Variants in PHF24 observed in about 807,000 individuals in gnomAD.
The protein encoded by PHF24 is Galpha inhibitory interacting protein.
PHF24 carries 25 observed loss-of-function variants against 42.6 expected under a neutral mutation model. The ratio of observed to expected loss-of-function variants is 0.59; its 90% confidence interval spans 0.43 to 0.82. PHF24 has a LOEUF of 0.82. Among genes scored for constraint, PHF24 ranks in the 40% least tolerant of loss-of-function variants. The pLI is 0.00. For missense variants in PHF24, 470 were observed against 538.1 expected (o/e 0.87, Z 1.25); for synonymous variants, 185 against 204.8 (o/e 0.90, Z 0.83).
At chr9:34,840,998 T>A in the PHF24 span, among the ~76,000 whole-genome samples, 1 of 152,044 alleles carries the variant, frequency 6.6e-6, no homozygotes, top group African/African-American at 2.4e-5. Flanking sequence ...TTCTTTTTTT[T>A]ATTTTATTTT....
the PHF24 span, among the ~76,000 whole-genome samples, chr9:34,753,348 A>G: frequency 6.6e-6 from 1 of 152,110 alleles, no homozygotes; most frequent in Non-Finnish European, 1.5e-5. Flanking sequence ...GCAATTCTAT[A>G]TGTAATAACA....
chr9:34,760,849 G>C, the PHF24 span, among the ~76,000 whole-genome samples: 1 of 152,150 alleles, frequency 6.6e-6, no homozygotes, highest in African/African-American at 2.4e-5. Context: ...AAAATCAGCC[G>C]GGTGTAGTGG....
the PHF24 span, chr9:34,710,271 T>C: frequency 1.7e-6 from 1 of 588,066 alleles, no homozygotes; most frequent in South Asian, 2.0e-5. Context: ...AAGTGGACAG[T>C]CCTCAGCTGC....
At chr9:34,694,479 C>T in the PHF24 span, among the ~76,000 whole-genome samples, 28 of 152,090 alleles carry the variant, frequency 1.8e-4, no homozygotes, top group Admixed American at 4.6e-4. Context: ...TACAGGGACC[C>T]GCCACCACAC....
chr9:34,802,639 T>C, the PHF24 span, among the ~76,000 whole-genome samples: 1 of 152,358 alleles, frequency 6.6e-6, no homozygotes, highest in Non-Finnish European at 1.5e-5. Context: ...GGATTAAATA[T>C]GTCTGACTTT....
At chr9:34,886,887 CTG>C in the PHF24 span, among the ~76,000 whole-genome samples, 11 of 145,124 alleles carry the variant, frequency 7.6e-5, no homozygotes, top group South Asian at 2.5e-3. Context: ...TGCCTGGAGT[CTG>C]GGCTCTTCCC....
chr9:34,877,145 G>A, the PHF24 span, among the ~76,000 whole-genome samples: 2 of 151,986 alleles, frequency 1.3e-5, no homozygotes, highest in Non-Finnish European at 2.9e-5. Flanking sequence ...GCTGGGTGTG[G>A]TGGCACACGC....
At chr9:34,849,221 A>G in the PHF24 span, among the ~76,000 whole-genome samples, 1 of 151,878 alleles carries the variant, frequency 6.6e-6, no homozygotes, top group Admixed American at 6.6e-5. Flanking sequence ...TCCCATTATT[A>G]TTGTGTGGGA....
chr9:34,794,826 T>C, the PHF24 span, among the ~76,000 whole-genome samples: 3 of 152,072 alleles, frequency 2.0e-5, no homozygotes, highest in Admixed American at 2.0e-4. Context: ...CTGAGGGACA[T>C]GTGGGGCAGT....
the PHF24 span, among the ~76,000 whole-genome samples, chr9:34,847,496 T>C: frequency 6.6e-6 from 1 of 152,010 alleles, no homozygotes. Flanking sequence ...TAAGGAGATT[T>C]TGGGCTGAGA....
chr9:34,936,929 GA>G, the PHF24 span, among the ~76,000 whole-genome samples: 1 of 149,046 alleles, frequency 6.7e-6, no homozygotes, highest in Non-Finnish European at 1.5e-5. Flanking sequence ...CCCCGTCTGG[GA>G]AGTGAGGAGC....
the PHF24 span, chr9:34,918,193 A>G: frequency 6.9e-6 from 10 of 1,458,552 alleles, no homozygotes; most frequent in East Asian, 2.3e-5. Context: ...TTTGAAGACC[A>G]TCACCCCTCT....
the PHF24 span, among the ~76,000 whole-genome samples, chr9:34,804,920 T>A: frequency 1.3e-5 from 2 of 152,248 alleles, no homozygotes; most frequent in Non-Finnish European, 2.9e-5. Flanking sequence ...TCTGTCTCTA[T>A]AGCTTTTACT....
chr9:34,956,321 G>A (rs555622837), upstream of PHF24, among the ~76,000 whole-genome samples: 1 of 152,290 alleles, frequency 6.6e-6, no homozygotes, highest in East Asian at 1.9e-4. Context: ...ATGCAGTGGT[G>A]CGATCTTGGC....
the PHF24 span, chr9:34,709,667 C>G: frequency 6.2e-7 from 1 of 1,614,080 alleles, no homozygotes; most frequent in Admixed American, 1.7e-5. Context: ...CCTGAGAGCG[C>G]TTGCGGGGCA....
At chr9:34,976,094 A>G in intron 3 of PHF24, 58 bp from the exon 4 acceptor site, 1 of 1,179,158 alleles carries the variant, frequency 8.5e-7, no homozygotes, top group East Asian at 2.3e-5. Context: ...AGCCCCCTTG[A>G]CCCTGGCCTT....
chr9:34,975,533 C>T (rs184485502), intron 3 of PHF24, among the ~76,000 whole-genome samples: 20 of 152,116 alleles, frequency 1.3e-4, no homozygotes, highest in African/African-American at 3.9e-4. Flanking sequence ...TGTATGGTAA[C>T]GTCAACACAA....
chr9:34,740,708 C>G, the PHF24 span, among the ~76,000 whole-genome samples: 3 of 152,192 alleles, frequency 2.0e-5, no homozygotes, highest in Non-Finnish European at 4.4e-5. Context: ...GGCTGAAGGG[C>G]TCCTCAATTA....
the PHF24 span, among the ~76,000 whole-genome samples, chr9:34,838,110 G>T: frequency 6.6e-6 from 1 of 152,166 alleles, no homozygotes; most frequent in African/African-American, 2.4e-5. Flanking sequence ...TATCATCTAG[G>T]TCTCTATTCA....
Sources: gnomAD v4.1 joint callset for allele counts (sites outside exome capture counted in the v4.1 genomes callset) on GRCh38, gnomAD v4.1.1 for gene constraint, MANE v1.5 for transcripts, NCBI Gene and HGNC (gene_info 2026-07-23, HGNC 2026-07-21) for gene names.